The following TAF5L variants were observed in gnomAD, a reference collection of about 807,000 sequenced individuals.
TAF5L encodes TAF5-like RNA polymerase II p300/CBP-associated factor-associated factor 65 kDa subunit 5L.
Under a neutral mutation model 51.3 loss-of-function variants are expected in TAF5L, and 7 were observed. The ratio of observed to expected loss-of-function variants is 0.14; its 90% CI spans 0.08 to 0.26. The LOEUF (loss-of-function observed/expected upper bound fraction) is 0.26. Among genes scored for constraint, TAF5L ranks in the 10% least tolerant of loss-of-function variants. The probability of loss-of-function intolerance (pLI) is 1.00; values close to 1 mark genes in which losing one functional copy is unlikely to be tolerated. For synonymous variants in TAF5L, 291 were observed against 308.1 expected, an observed-to-expected ratio of 0.94 and a Z score of 0.58; for missense variants, 575 against 758.9, an observed-to-expected ratio of 0.76 and a Z score of 2.85.
chr1:229,606,780 G>A (rs752303639), intron 3 of TAF5L: 38 of 985,304 alleles, frequency 3.9e-5, no homozygotes, highest in Middle Eastern at 5.2e-4. Context: ...TCCAGAGGTT[G>A]CTTGACTCCA....
chr1:229,625,241 G>A lies in TAF5L; in HGVS notation c.-4+644C>T, dbSNP rs1665397472. Among the ~76,000 whole-genome samples, 2 of 152,170 alleles carry A rather than the reference G, an allele frequency of 1.3e-5. No homozygotes were observed. Among genetic ancestry groups the A allele is most frequent in the Admixed American group, 1.3e-4 (2 of 15,288 alleles). ...CGAATACATTTTCAAAAGCCTGGCA[G>A]CTTCGCGAGCTGGAGGTGGTGAACC... On this transcript the variant is annotated intron_variant, in intron 1 of 4. Transcript: ENST00000258281. This position sits in a 1 kb window ranked among gnomAD's most constrained non-coding sequence, Gnocchi z 4.0.
In TAF5L at chr1:229,600,109, T is replaced by C. The variant is rs187096361; in HGVS notation, c.972+2086A>G. ...TAGTCTGTTTTAATTATGCATTCTA[T>C]AAGGGAAAAAGAAAAGTCCAAATTT... On this transcript the variant is annotated intron_variant, in intron 4 of 4. Transcript: ENST00000258281. 9,204 of 982,956 alleles carry C rather than the reference T, an allele frequency of 9.4e-3. 53 individuals carry two copies. Among genetic ancestry groups the C allele is most frequent in the Middle Eastern group, 0.03 (58 of 1,908 alleles). The allele number at this position is 982,956 out of a possible 1,614,324, so 60.9% of individuals were successfully genotyped here.
At chr1:229,601,789 T>G in intron 4 of TAF5L, 1 of 1,019,464 alleles carries the variant, frequency 9.8e-7, no homozygotes, top group Non-Finnish European at 1.2e-6. Flanking sequence ...GAAAATAATA[T>G]TCATTACAGT....
At position 229,625,351 on chromosome 1, in the gene TAF5L, C is replaced by T. The variant is rs1226874842; in HGVS notation, c.-4+534G>A. The stretch of plus-strand genomic sequence containing the variant: ...AGACACCCTTGCAGGTAAGCACTCT[C>T]CTGCAGCAGCTAGTCTAACTCTGGC... On this transcript the variant is annotated intron_variant, in intron 1 of 4. Coordinates refer to ENST00000258281, the Ensembl canonical transcript of TAF5L. This position sits in a 1 kb window ranked among gnomAD's most constrained non-coding sequence, Gnocchi z 4.0. Among the ~76,000 whole-genome samples the T allele has an allele frequency of 6.6e-6, 1 of 152,170 alleles. No homozygotes were observed. The highest frequency in any genetic ancestry group is 1.9e-4 in the East Asian group (1 of 5,170).
At chr1:229,622,775 T>C (rs537254317) in intron 1 of TAF5L, among the ~76,000 whole-genome samples, 71 of 151,770 alleles carry the variant, frequency 4.7e-4, no homozygotes, top group African/African-American at 1.6e-3. Context: ...ACCTGGTTAG[T>C]TAAAAAAAAA....
At chr1:229,620,792 G>A (rs1464212803) in intron 1 of TAF5L, among the ~76,000 whole-genome samples, 1 of 152,128 alleles carries the variant, frequency 6.6e-6, no homozygotes, top group Non-Finnish European at 1.5e-5. Context: ...ACTACATAAA[G>A]AAAACTTTCA....
rs1664444811 is a variant in TAF5L, at chr1:229,602,976, ATCCCTCCTG to A, written c.248-66_248-58del. On this transcript the variant is annotated intron_variant, in intron 3 of 4. Transcript: ENST00000258281. The surrounding 1 kb of genome is among the most constrained non-coding windows in gnomAD (Gnocchi z 4.6). ...CAGCATAATCTTACAGAATAACGTG[ATCCCTCCTG>A]GGGATCACCACCATCATATAATGCT... The A allele has an allele frequency of 6.6e-7, 1 of 1,515,400 alleles. No homozygotes were observed. Among genetic ancestry groups the A allele is most frequent in the African/African-American group, 1.4e-5 (1 of 72,052 alleles). The allele number at this position is 1,515,400 out of a possible 1,614,324, so 93.9% of individuals were successfully genotyped here. A position where few individuals can be genotyped will look rare whatever the true frequency, so the allele number is the denominator to read the frequency against.
At chr1:229,615,871 C>T (rs1048937970) in intron 1 of TAF5L, among the ~76,000 whole-genome samples, 2 of 152,210 alleles carry the variant, frequency 1.3e-5, no homozygotes, top group African/African-American at 4.8e-5. Context: ...ATCATCCCAA[C>T]CAAAGTAACA....
chr1:229,619,750 C>G (rs974044985), intron 1 of TAF5L, among the ~76,000 whole-genome samples: 4 of 152,138 alleles, frequency 2.6e-5, no homozygotes, highest in Non-Finnish European at 4.4e-5. Flanking sequence ...CCACCCTTCA[C>G]GATCTCTCAG....
rs766868953 is a variant in TAF5L, at chr1:229,602,655, C to T, written c.512G>A (p.Ser171Asn). 2 of 1,614,148 alleles carry T rather than the reference C, an allele frequency of 1.2e-6. No homozygotes were observed. Among genetic ancestry groups the T allele is most frequent in the Non-Finnish European group, 1.7e-6 (2 of 1,180,042 alleles). Reference sequence around the variant, plus strand: ...GAGGTAGCGGATAAGGTAGTTGTAGCTGTCTTCTTGGAGACGGACCACGTA... The same window carrying T: ...GAGGTAGCGGATAAGGTAGTTGTAGTTGTCTTCTTGGAGACGGACCACGTA... Residue 171 changes from serine (S) to asparagine (N), a missense_variant, in exon 4 of 5, where the codon AGC (serine) becomes AAC (asparagine). Transcript: ENST00000258281. This position sits in a 1 kb window ranked among gnomAD's most constrained non-coding sequence, Gnocchi z 4.6.
chr1:229,615,003 T>C (rs1245821154), intron 1 of TAF5L, among the ~76,000 whole-genome samples: 1 of 152,240 alleles, frequency 6.6e-6, no homozygotes, highest in South Asian at 2.1e-4. Context: ...GGGATTGTGA[T>C]ATTTTTGCTT....
intron 3 of TAF5L, among the ~76,000 whole-genome samples, chr1:229,608,912 G>A (rs1317932686): frequency 6.6e-6 from 1 of 152,160 alleles, no homozygotes; most frequent in Admixed American, 6.5e-5. Context: ...GCCGAGATGG[G>A]AGGATCACTT....
chr1:229,605,001 G>A (rs1053007802), intron 3 of TAF5L, among the ~76,000 whole-genome samples: 5 of 152,014 alleles, frequency 3.3e-5, no homozygotes, highest in Non-Finnish European at 7.4e-5. Context: ...ACAGTGGCGC[G>A]ATCTCGGCTC....
rs571566958 is a variant in TAF5L, at chr1:229,615,352, GCTGGGATTAC to G, written c.-3-877_-3-868del. On this transcript the variant is annotated intron_variant, in intron 1 of 4. Coordinates refer to ENST00000258281, the Ensembl canonical transcript of TAF5L. The stretch of plus-strand genomic sequence containing the variant: ...TCTGCCCGGCTTGGCCTCTCAAAGT[GCTGGGATTAC>G]AGGCGTGAGCCACCGCGCCTGGCCG... 3.8e-3 allele frequency among the ~76,000 whole-genome samples: 578 copies of G among 152,274 alleles called. 6 individuals carry two copies. The highest frequency in any genetic ancestry group is 0.013 in the African/African-American group (549 of 41,568).
chr1:229,603,791 G>A (rs1467880584), intron 3 of TAF5L, among the ~76,000 whole-genome samples: 1 of 152,208 alleles, frequency 6.6e-6, no homozygotes, highest in East Asian at 1.9e-4. Flanking sequence ...AGGTATAATT[G>A]ACACCTAAAT....
chr1:229,618,472 T>C (rs759158590), intron 1 of TAF5L, among the ~76,000 whole-genome samples: 3 of 152,228 alleles, frequency 2.0e-5, no homozygotes, highest in East Asian at 1.9e-4. Flanking sequence ...TTGGTATTTC[T>C]GGAAATCAAA....
rs901134334 is a variant in TAF5L, at chr1:229,610,171, G to C, written c.182C>G (p.Ala61Gly). The change falls in exon 3 of 5, where the codon GCC (alanine) becomes GGC (glycine). Residue 61 changes from alanine to glycine, a missense_variant. Around this residue, in one of 3 missense-constraint regions of TAF5L, gnomAD observed 380 missense variants for 443.7 expected, o/e 0.86. Coordinates refer to ENST00000258281, the Ensembl canonical transcript of TAF5L. ...TTGCTGGGGTTCTGCCTGGCAAGGGGCTGCAGACACTATGTTGGCACAACC... is the reference window on the plus strand; with the variant it reads ...TTGCTGGGGTTCTGCCTGGCAAGGGCCTGCAGACACTATGTTGGCACAACC... The C allele has an allele frequency of 3.7e-6, 6 of 1,614,034 alleles. No individual in the cohort carries two copies. Among genetic ancestry groups the C allele is most frequent in the Non-Finnish European group, 5.1e-6 (6 of 1,180,008 alleles).
intron 1 of TAF5L, among the ~76,000 whole-genome samples, chr1:229,622,379 G>A (rs1665243585): frequency 1.3e-5 from 2 of 151,916 alleles, no homozygotes. Context: ...TGAGACTTTT[G>A]GGGGAAAACC....
intron 2 of TAF5L, 86 bp from the exon 3 acceptor site, chr1:229,610,296 T>C: frequency 7.9e-7 from 1 of 1,262,756 alleles, no homozygotes; most frequent in South Asian, 1.3e-5. Context: ...TGAAGGAGGG[T>C]GTTGTGCACA....
Sources: gnomAD v4.1 joint callset for allele counts (sites outside exome capture counted in the v4.1 genomes callset) on GRCh38, gnomAD v4.1.1 for gene constraint, gnomAD v4.1.1 regional missense constraint, Gnocchi (gnomAD v3.1) non-coding constraint, MANE v1.5 for transcripts, NCBI Gene and HGNC (gene_info 2026-07-23, HGNC 2026-07-21) for gene names.